OTOA: variants seen among roughly 807,000 people sequenced by gnomAD.
OTOA encodes otoancorin.
OTOA carries 70 observed loss-of-function variants against 110.8 expected under a neutral mutation model. The observed-to-expected ratio is 0.63, with a 90% CI of 0.52 to 0.77. OTOA has a LOEUF of 0.77. OTOA is among the 30% of genes least tolerant of loss of function. The probability of loss-of-function intolerance (pLI) is 0.00; values close to 1 mark genes in which losing one functional copy is unlikely to be tolerated. For missense variants in OTOA, 917 were observed against 1,075.8 expected (o/e 0.85, Z 2.06); for synonymous variants, 373 against 431.5 (o/e 0.86, Z 1.68).
At position 21,700,983 on chromosome 16, in the gene OTOA, C is replaced by T; in HGVS notation, c.936C>T (p.Ile312=). 1 of 1,614,136 alleles carries T rather than the reference C, an allele frequency of 6.2e-7. No individual in the cohort carries two copies. Among genetic ancestry groups the T allele is most frequent in the Non-Finnish European group, 8.5e-7 (1 of 1,180,024 alleles). ...TGGCCCAGGCGTTTCTGGAGAGGAT[C>T]AGCTCCTCCAACTTTAACATGAGGA... The part of the protein sequence containing the change: ...PELAQAFLER[I]SSSNFNMRNT... The change falls in exon 11 of 29, where the codon ATC becomes ATT. Residue 312 remains isoleucine (I), a synonymous_variant. Transcript: ENST00000646100.
chr16:21,716,755 C>T, intron 14 of OTOA, 152 bp from the exon 15 acceptor site: 1 of 861,460 alleles, frequency 1.2e-6, no homozygotes. Context: ...TCTGTTTCCT[C>T]ACCTGTGAAA....
intron 12 of OTOA, among the ~76,000 whole-genome samples, chr16:21,708,475 C>T (rs1898258811): frequency 6.6e-6 from 1 of 152,062 alleles, no homozygotes; most frequent in East Asian, 1.9e-4. Flanking sequence ...ATTTCGGAGC[C>T]CCACCCAGTC....
At chr16:21,725,984 G>A (rs1898903168) in intron 18 of OTOA, among the ~76,000 whole-genome samples, 1 of 152,202 alleles carries the variant, frequency 6.6e-6, no homozygotes. Context: ...GAAGGATCAA[G>A]AGTGGAAGGC....
rs75725359 is a variant in OTOA, at chr16:21,726,986, G to A, written c.2016+328G>A. The stretch of plus-strand genomic sequence containing the variant: ...GCCTCAGTCTTCTCATCTGTAAGGT[G>A]GGGGGAGTAGCACATCCCCCTTAGA... On this transcript the variant is annotated intron_variant, in intron 19 of 28. Coordinates refer to ENST00000646100, the MANE Select transcript of OTOA (RefSeq NM_144672.4). 314 of 342,592 alleles carry A rather than the reference G, an allele frequency of 9.2e-4. 3 individuals carry two copies. Among genetic ancestry groups the A allele is most frequent in the African/African-American group, 6.4e-3 (304 of 47,142 alleles). 21.2% of individuals were successfully genotyped at this position (342,592 alleles called of 1,614,324 possible). A position where few individuals can be genotyped will look rare whatever the true frequency, so the allele number is the denominator to read the frequency against.
At chr16:21,677,787 C>T (rs925144330) in intron 1 of OTOA, among the ~76,000 whole-genome samples, 1 of 151,332 alleles carries the variant, frequency 6.6e-6, no homozygotes, top group African/African-American at 2.4e-5. Flanking sequence ...TGGCCAACTT[C>T]ATATCTTTTT....
At chr16:21,671,672 G>A (rs1364351406) in intron 1 of OTOA, among the ~76,000 whole-genome samples, 3 of 151,646 alleles carry the variant, frequency 2.0e-5, no homozygotes, top group African/African-American at 2.4e-5. Context: ...TGGCGGAGAC[G>A]TGATTCAGAA....
intron 11 of OTOA, among the ~76,000 whole-genome samples, chr16:21,702,763 C>T (rs914564793): frequency 2.6e-5 from 4 of 152,136 alleles, no homozygotes; most frequent in African/African-American, 9.7e-5. Context: ...GCAACCTCTG[C>T]CTCCTGGGTT....
At chr16:21,720,310 AC>A (rs1898690849) in intron 17 of OTOA, among the ~76,000 whole-genome samples, 1 of 152,166 alleles carries the variant, frequency 6.6e-6, no homozygotes, top group African/African-American at 2.4e-5. Context: ...CAGCATTTGA[AC>A]TTTTGGTGTG....
intron 16 of OTOA, 47 bp downstream of exon 16, chr16:21,719,238 C>G: frequency 5.0e-6 from 8 of 1,607,980 alleles, no homozygotes; most frequent in Non-Finnish European, 6.8e-6. Flanking sequence ...CCTTTCAGAG[C>G]CTTCTGCCAG....
At chr16:21,700,783 T>C in intron 10 of OTOA, 105 bp from the exon 11 acceptor site, 6 of 1,331,452 alleles carry the variant, frequency 4.5e-6, no homozygotes, top group Non-Finnish European at 1.1e-6. Context: ...CCAGGAGGTG[T>C]ATCCAAGTGT....
At chr16:21,725,673 C>T (rs376977786) in intron 18 of OTOA, among the ~76,000 whole-genome samples, 8 of 151,970 alleles carry the variant, frequency 5.3e-5, no homozygotes, top group East Asian at 1.9e-4. Context: ...AGCATAGAGG[C>T]GGAAGAACAT....
At position 21,717,046 on chromosome 16, in the gene OTOA, A is replaced by AG. The variant is rs2038616975; in HGVS notation, c.1629+1dup. ...AAGGATAAGGAACTTGGAAGGAGCC[A>AG]GGTATTACCATGAAACACAGATCGA... On this transcript the variant is annotated frameshift_variant and splice_region_variant, in exon 15 of 29. Transcript: ENST00000646100. LOFTEE classifies it high-confidence loss of function. 1 of 1,614,008 alleles carries AG rather than the reference A, an allele frequency of 6.2e-7. No homozygotes were observed. Among genetic ancestry groups the AG allele is most frequent in the Admixed American group, 1.7e-5 (1 of 59,992 alleles).
chr16:21,724,038 A>C (rs1898840777), intron 18 of OTOA, among the ~76,000 whole-genome samples: 1 of 152,134 alleles, frequency 6.6e-6, no homozygotes, highest in African/African-American at 2.4e-5. Flanking sequence ...AGAGTGAGGG[A>C]GATGGTTCTC....
At chr16:21,734,483 C>T (rs530103917) in intron 21 of OTOA, among the ~76,000 whole-genome samples, 2 of 151,188 alleles carry the variant, frequency 1.3e-5, no homozygotes, top group East Asian at 1.9e-4. Flanking sequence ...CACAAGCTTA[C>T]CTATATAACA....
chr16:21,746,956 C>A (rs1391173879), intron 24 of OTOA, among the ~76,000 whole-genome samples: 2 of 152,306 alleles, frequency 1.3e-5, no homozygotes, highest in Non-Finnish European at 2.9e-5. Flanking sequence ...AATGGTGCAC[C>A]CCTGGAGCTG....
intron 18 of OTOA, among the ~76,000 whole-genome samples, chr16:21,725,734 T>C (rs900403951): frequency 3.3e-5 from 5 of 152,190 alleles, no homozygotes; most frequent in Admixed American, 3.3e-4. Context: ...GTGGTGGGGT[T>C]GAGTAGGCCG....
chr16:21,691,807 T>C (rs2141665584), intron 9 of OTOA, 120 bp downstream of exon 9: 1 of 915,644 alleles, frequency 1.1e-6, no homozygotes. Context: ...CACCTCCCAC[T>C]GCTTCGAAAA....
At chr16:21,712,569 G>C (rs563963170) in intron 13 of OTOA, among the ~76,000 whole-genome samples, 1 of 151,824 alleles carries the variant, frequency 6.6e-6, no homozygotes, top group Non-Finnish European at 1.5e-5. Flanking sequence ...GGCCAGGCAC[G>C]ATGGCTCACG....
intron 17 of OTOA, chr16:21,721,209 C>G (rs1898724325): frequency 2.3e-6 from 1 of 426,344 alleles, no homozygotes; most frequent in Non-Finnish European, 4.8e-6. Flanking sequence ...GCCACCACGC[C>G]CATTCTGAAA....
Sources: gnomAD v4.1 joint callset for allele counts (sites outside exome capture counted in the v4.1 genomes callset) on GRCh38, gnomAD v4.1.1 for gene constraint, MANE v1.5 for transcripts, NCBI Gene and HGNC (gene_info 2026-07-23, HGNC 2026-07-21) for gene names.